Variants in TNS3 observed in about 807,000 individuals in gnomAD.
TNS3 encodes the protein tensin 3.
Under a neutral mutation model 140.9 loss-of-function variants are expected in TNS3, and 45 were observed. That is an observed-to-expected ratio of 0.32 (90% CI 0.25 to 0.41). TNS3 has a LOEUF of 0.41. Ranked by LOEUF, TNS3 falls within the 10% of genes least tolerant of loss-of-function variation. The pLI is 1.00. For synonymous variants in TNS3, 815 were observed against 788.4 expected, an observed-to-expected ratio of 1.03 and a Z score of -0.56; for missense variants, 1,716 against 1,906.7, an observed-to-expected ratio of 0.90 and a Z score of 1.86.
intron 1 of TNS3, among the ~76,000 whole-genome samples, chr7:47,569,718 G>T (rs916297032): frequency 4.0e-5 from 6 of 151,890 alleles, no homozygotes; most frequent in Non-Finnish European, 8.8e-5. Flanking sequence ...GCTGGGCGTG[G>T]TGATGGTCAT....
intron 1 of TNS3, among the ~76,000 whole-genome samples, chr7:47,546,974 G>A (rs1799937738): frequency 6.6e-6 from 1 of 152,232 alleles, no homozygotes; most frequent in African/African-American, 2.4e-5. Context: ...GTCACGCCCT[G>A]GGCTGGGCCT....
intron 3 of TNS3, among the ~76,000 whole-genome samples, chr7:47,500,929 T>C (rs965671811): frequency 4.0e-5 from 6 of 151,530 alleles, no homozygotes; most frequent in East Asian, 1.9e-4. Context: ...AAAATAAAAA[T>C]TAAAAAAAAA....
chr7:47,348,643 A>T (rs1161457783), intron 17 of TNS3, among the ~76,000 whole-genome samples: 1 of 152,202 alleles, frequency 6.6e-6, no homozygotes, highest in African/African-American at 2.4e-5. Flanking sequence ...GTGCCCCATA[A>T]ATATGTACAA....
chr7:47,352,015 C>T (rs936739743), intron 17 of TNS3, among the ~76,000 whole-genome samples: 2 of 152,122 alleles, frequency 1.3e-5, no homozygotes, highest in African/African-American at 4.8e-5. Flanking sequence ...TGGTCTCTTA[C>T]ACACATTTTC....
At chr7:47,334,605 C>CTT (rs386410072) in intron 20 of TNS3, among the ~76,000 whole-genome samples, 37,616 of 118,534 alleles carry the variant, frequency 0.32, 6,588 homozygotes, top group South Asian at 0.44. Flanking sequence ...AACCACGACT[C>CTT]TTTTTTTTTT....
intron 2 of TNS3, among the ~76,000 whole-genome samples, chr7:47,507,218 CAG>C (rs753959169): frequency 1.8e-4 from 28 of 152,228 alleles, no homozygotes; most frequent in Non-Finnish European, 2.9e-4. Context: ...CGGTCATGAG[CAG>C]ATTGGTTTTT....
intron 1 of TNS3, among the ~76,000 whole-genome samples, chr7:47,555,171 CG>C (rs1258448107): frequency 6.6e-6 from 1 of 152,036 alleles, no homozygotes; most frequent in Non-Finnish European, 1.5e-5. Context: ...GAGGCTGAGG[CG>C]GGTGGATCAC....
chr7:47,344,625 C>T, intron 20 of TNS3, 130 bp downstream of exon 20: 1 of 878,468 alleles, frequency 1.1e-6, no homozygotes, highest in Non-Finnish European at 1.7e-6. Flanking sequence ...GATCCATCCT[C>T]ATCCAAGGCT....
intron 5 of TNS3, among the ~76,000 whole-genome samples, chr7:47,440,159 G>A (rs979734622): frequency 5.3e-5 from 8 of 152,070 alleles, no homozygotes; most frequent in Admixed American, 2.0e-4. Flanking sequence ...CCTCGTGTCC[G>A]TATGCGGCAT....
intron 17 of TNS3, among the ~76,000 whole-genome samples, chr7:47,356,848 G>A (rs1380231390): frequency 1.3e-5 from 2 of 152,114 alleles, no homozygotes; most frequent in East Asian, 1.9e-4. Context: ...AGACTGAGGA[G>A]GGTGGATCTT....
chr7:47,447,457 A>G lies in TNS3; in HGVS notation c.-75-5402T>C, dbSNP rs1016887997. ...GCTCCACATCAGGCAGTCTGGGTCC[A>G]AGTTAAGGGTCCACCGCTTGGCACC... On this transcript the variant is annotated intron_variant, in intron 4 of 30. Transcript: ENST00000311160. Among the ~76,000 whole-genome samples, 9 of 152,094 alleles carry G rather than the reference A, an allele frequency of 5.9e-5. No individual in the cohort carries two copies. The East Asian group carries it at 1.7e-3, about 29-fold the overall frequency.
At chr7:47,530,121 T>C (rs563920809) in intron 1 of TNS3, among the ~76,000 whole-genome samples, 2 of 152,338 alleles carry the variant, frequency 1.3e-5, no homozygotes, top group African/African-American at 4.8e-5. Context: ...AACAGCTTTA[T>C]ATAACCCAAA....
chr7:47,504,617 A>G (rs1166281448), intron 3 of TNS3, among the ~76,000 whole-genome samples: 1 of 152,230 alleles, frequency 6.6e-6, no homozygotes, highest in Non-Finnish European at 1.5e-5. Context: ...CAATATATGT[A>G]AACACAGTAA....
chr7:47,508,773 C>T (rs1798507188), intron 2 of TNS3, among the ~76,000 whole-genome samples: 1 of 152,190 alleles, frequency 6.6e-6, no homozygotes, highest in African/African-American at 2.4e-5. Flanking sequence ...GACTTCTGTC[C>T]TGGTCTCCAG....
intron 30 of TNS3, 21 bp from the exon 31 acceptor site, chr7:47,278,241 C>CAG: frequency 6.2e-7 from 1 of 1,609,502 alleles, no homozygotes; most frequent in Non-Finnish European, 8.5e-7. Context: ...AAAGTCCAGT[C>CAG]AGAGTGGTCA....
At chr7:47,436,107 T>G (rs1169226712) in intron 7 of TNS3, among the ~76,000 whole-genome samples, 1 of 152,190 alleles carries the variant, frequency 6.6e-6, no homozygotes, top group Non-Finnish European at 1.5e-5. Flanking sequence ...AGTGTAAGAC[T>G]GTTGGAAATT....
chr7:47,387,438 A>C (rs986360770), intron 16 of TNS3, among the ~76,000 whole-genome samples: 2 of 152,202 alleles, frequency 1.3e-5, no homozygotes, highest in Admixed American at 6.5e-5. Context: ...CATTTGCTTA[A>C]AGGGAGCGTG....
At chr7:47,570,167 A>T (rs1326077686) in intron 1 of TNS3, among the ~76,000 whole-genome samples, 1 of 152,272 alleles carries the variant, frequency 6.6e-6, no homozygotes, top group Non-Finnish European at 1.5e-5. Flanking sequence ...AAGAAAAAAT[A>T]AATAAATAAA....
chr7:47,455,350 C>T (rs1021239985), intron 4 of TNS3, among the ~76,000 whole-genome samples: 29 of 152,148 alleles, frequency 1.9e-4, no homozygotes, highest in African/African-American at 6.3e-4. Context: ...CCTGCCTCCA[C>T]ACCCAGAAGG....
Sources: gnomAD v4.1 joint callset for allele counts (sites outside exome capture counted in the v4.1 genomes callset) on GRCh38, gnomAD v4.1.1 for gene constraint, MANE v1.5 for transcripts, NCBI Gene and HGNC (gene_info 2026-07-23, HGNC 2026-07-21) for gene names.